The following ABCA4 variants were observed in gnomAD, a reference collection of about 807,000 sequenced individuals.
ABCA4 encodes retinal-specific phospholipid-transporting ATPase ABCA4.
Under a neutral mutation model 263.7 loss-of-function variants are expected in ABCA4, and 196 were observed. The ratio of observed to expected loss-of-function variants is 0.74; its 90% CI spans 0.66 to 0.84. The LOEUF is 0.84. Among genes scored for constraint, ABCA4 ranks in the 40% least tolerant of loss-of-function variants. The pLI, the probability that ABCA4 is intolerant of heterozygous loss-of-function variation, is 0.00. For synonymous variants in ABCA4, 1,133 were observed against 1,094.2 expected, an observed-to-expected ratio of 1.04 and a Z score of -0.70; for missense variants, 2,792 against 2,855.1, an observed-to-expected ratio of 0.98 and a Z score of 0.50.
At chr1:94,085,386 A>T (rs944925015) in intron 6 of ABCA4, among the ~76,000 whole-genome samples, 1 of 152,246 alleles carries the variant, frequency 6.6e-6, no homozygotes, top group African/African-American at 2.4e-5. Flanking sequence ...ATAATAAAAA[A>T]GGTTTTAGTG....
In ABCA4 at chr1:94,001,031, T is replaced by A; in HGVS notation, c.6357A>T (p.Glu2119Asp). Residue 2119 changes from glutamate (E) to aspartate (D), a missense_variant, in exon 46 of 50, where the codon GAA (glutamate) becomes GAT (aspartate). By Grantham distance (45) the Glu-to-Asp change is conservative. Transcript: ENST00000370225. Reference sequence around the variant, plus strand: ...GGGATGTGAGGACCACAGCCCTCCCTTCTCTGATGATGCTCACGATGACGT... The same window carrying A: ...GGGATGTGAGGACCACAGCCCTCCCATCTCTGATGATGCTCACGATGACGT... ...LWNVIVSIIR[E>D]GRAVVLTSHS... The A allele has an allele frequency of 6.2e-7, 1 of 1,614,184 alleles. No homozygotes were observed. The highest frequency in any genetic ancestry group is 1.1e-5 in the South Asian group (1 of 91,080).
At chr1:94,014,503 C>T (rs1659667861) in intron 38 of ABCA4, 40 bp downstream of exon 38, 2 of 1,609,324 alleles carry the variant, frequency 1.2e-6, no homozygotes, top group African/African-American at 1.3e-5. Context: ...ACTCTACTAT[C>T]CTACTAATCA....
At chr1:94,073,912 C>A (rs1661470479) in intron 11 of ABCA4, among the ~76,000 whole-genome samples, 1 of 152,202 alleles carries the variant, frequency 6.6e-6, no homozygotes, top group South Asian at 2.1e-4. Context: ...TCCGTCCACA[C>A]CCCCTCGCAC....
At chr1:94,093,813 T>C (rs999896700) in intron 6 of ABCA4, among the ~76,000 whole-genome samples, 1 of 152,232 alleles carries the variant, frequency 6.6e-6, no homozygotes, top group Admixed American at 6.5e-5. Flanking sequence ...TGAAATCCAT[T>C]CACCCAGAGG....
At chr1:94,052,700 T>G (rs1660871915) in intron 16 of ABCA4, among the ~76,000 whole-genome samples, 2 of 152,220 alleles carry the variant, frequency 1.3e-5, no homozygotes, top group African/African-American at 4.8e-5. Flanking sequence ...AAAGTCACTG[T>G]CATGGGTTGA....
chr1:94,036,582 G>A (rs1197478427), intron 26 of ABCA4, among the ~76,000 whole-genome samples, 158 bp downstream of exon 26: 4 of 151,946 alleles, frequency 2.6e-5, no homozygotes, highest in Non-Finnish European at 1.5e-5. Context: ...TCACCATGTT[G>A]GCCAGGCTGG....
intron 6 of ABCA4, 151 bp from the exon 7 acceptor site, chr1:94,083,592 C>G (rs1661759634): frequency 1.6e-6 from 1 of 621,438 alleles, no homozygotes; most frequent in Non-Finnish European, 2.8e-6. Flanking sequence ...CTTTTAGAAA[C>G]AAAAAACTCT....
rs776269194 is a variant in ABCA4 at position 94,080,557 on chromosome 1, A to G, written c.1020T>C (p.Tyr340=). 103 of 1,614,036 alleles carry G rather than the reference A, an allele frequency of 6.4e-5. No individual in the cohort carries two copies. The highest frequency in any genetic ancestry group is 8.3e-5 in the Non-Finnish European group (98 of 1,180,036). The change falls in exon 8 of 50, where the codon TAT becomes TAC. Residue 340 remains tyrosine, a synonymous_variant. Coordinates refer to ENST00000370225, the MANE Select transcript of ABCA4 (RefSeq NM_000350.3). ...GAAAGGCCTTATAGTTATTGTCTTC[A>G]TACCAGTTGAAGGAGAGCACCCGAG... ...GGSRVLSFNW[Y]EDNNYKAFLG...
chr1:94,004,317 A>G (rs1204754535), intron 44 of ABCA4, among the ~76,000 whole-genome samples: 1 of 152,178 alleles, frequency 6.6e-6, no homozygotes, highest in Non-Finnish European at 1.5e-5. Context: ...TCCCTTTTCC[A>G]TATTTGTAAG....
intron 32 of ABCA4, 59 bp downstream of exon 32, chr1:94,023,327 C>T (rs1659949479): frequency 7.0e-7 from 1 of 1,419,504 alleles, no homozygotes; most frequent in Non-Finnish European, 9.9e-7. Context: ...TAAAAGTGTG[C>T]AATTATTTCA....
In ABCA4 at chr1:94,079,464, G is replaced by A. The variant is rs770191455; in HGVS notation, c.1100-3C>T. ...GATCAATGCATTACAAAAGGATGCT[G>A]CCAGGAGACAAGGGACAGATTTTAC... On this transcript the variant is annotated splice_region_variant and splice_polypyrimidine_tract_variant and intron_variant, in intron 8 of 49. Coordinates refer to ENST00000370225, the MANE Select transcript of ABCA4 (RefSeq NM_000350.3). 6.2e-7 allele frequency: 1 copy of A among 1,614,178 alleles called. No individual in the cohort carries two copies. The highest frequency in any genetic ancestry group is 1.7e-5 in the Admixed American group (1 of 60,030).
chr1:94,112,194 T>A (rs369736499), intron 2 of ABCA4, among the ~76,000 whole-genome samples: 4 of 151,966 alleles, frequency 2.6e-5, no homozygotes, highest in Non-Finnish European at 5.9e-5. Context: ...AGGGGCAGAG[T>A]GTAAAAGAGG....
At chr1:94,047,200 G>T (rs1660710690) in intron 18 of ABCA4, 107 bp from the exon 19 acceptor site, 2 of 1,276,026 alleles carry the variant, frequency 1.6e-6, no homozygotes, top group East Asian at 2.3e-5. Context: ...ACCTGCCCCT[G>T]TGGCTTCGGC....
At chr1:94,014,375 G>A (rs1302970029) in intron 38 of ABCA4, among the ~76,000 whole-genome samples, 168 bp downstream of exon 38, 3 of 136,398 alleles carry the variant, frequency 2.2e-5, no homozygotes, top group African/African-American at 1.1e-4. Flanking sequence ...GGAAGGATGG[G>A]AGGAAGGAAG....
At chr1:94,063,446 C>T in intron 11 of ABCA4, 129 bp from the exon 12 acceptor site, 2 of 913,780 alleles carry the variant, frequency 2.2e-6, no homozygotes, top group Admixed American at 1.9e-5. Flanking sequence ...GGCCTATAAA[C>T]TTAATGTTTG....
intron 6 of ABCA4, among the ~76,000 whole-genome samples, chr1:94,086,531 A>C (rs1264477269): frequency 1.3e-5 from 2 of 152,160 alleles, no homozygotes; most frequent in Non-Finnish European, 2.9e-5. Flanking sequence ...GAGTCACATG[A>C]AGAGCACATA....
In ABCA4 at chr1:94,014,588, G is replaced by A; in HGVS notation, c.5415C>T (p.Asn1805=). The change falls in exon 38 of 50, where the codon AAC becomes AAT. Residue 1805 remains asparagine (N), a synonymous_variant. Coordinates refer to ENST00000370225, the MANE Select transcript of ABCA4 (RefSeq NM_000350.3). The stretch of plus-strand genomic sequence containing the variant: ...CCAAGATGAAGGTAATAGCACTGCT[G>A]TTGATGCCGATGAACAGATTAGCAC... ...LSCANLFIGI[N]SSAITFILEL... 6.2e-7 allele frequency: 1 copy of A among 1,614,234 alleles called. No individual in the cohort carries two copies. Among genetic ancestry groups the A allele is most frequent in the Non-Finnish European group, 8.5e-7 (1 of 1,180,034 alleles).
chr1:94,117,967 T>G (rs1386678498), intron 1 of ABCA4, among the ~76,000 whole-genome samples: 2 of 152,210 alleles, frequency 1.3e-5, no homozygotes, highest in Admixed American at 1.3e-4. Flanking sequence ...CTGCCCTGAT[T>G]GGATGATAAA....
At chr1:94,011,222 ACCCAGGG>A in intron 39 of ABCA4, 33 bp downstream of exon 39, 1 of 1,613,418 alleles carries the variant, frequency 6.2e-7, no homozygotes, top group Non-Finnish European at 8.5e-7. Context: ...CCAGCTTTGG[ACCCAGGG>A]CCCATGCTCC....
Sources: allele counts gnomAD v4.1 joint callset (sites outside exome capture counted in the v4.1 genomes callset), GRCh38; gene constraint gnomAD v4.1.1; transcripts MANE v1.5; gene names NCBI Gene and HGNC (gene_info 2026-07-23, HGNC 2026-07-21).